MMS22L: variants seen among roughly 807,000 people sequenced by gnomAD.
The protein encoded by MMS22L is protein MMS22-like.
In MMS22L, 74 loss-of-function variants were observed where a neutral mutation model predicts 159.1. The ratio of observed to expected loss-of-function variants is 0.47; its 90% CI spans 0.39 to 0.56. The LOEUF is 0.56. Ranked by LOEUF, MMS22L falls within the 20% of genes least tolerant of loss-of-function variation. The pLI is 0.00. For missense variants in MMS22L, 1,351 were observed against 1,422.1 expected (o/e 0.95, Z 0.80); for synonymous variants, 517 against 506.9 (o/e 1.02, Z -0.27).
chr6:97,182,154 T>TA, intron 15 of MMS22L, 100 bp from the exon 16 acceptor site: 2 of 937,048 alleles, frequency 2.1e-6, no homozygotes, highest in Non-Finnish European at 3.1e-6. Context: ...TTTTTTTTTT[T>TA]AAGTAACAAA....
intron 12 of MMS22L, among the ~76,000 whole-genome samples, chr6:97,232,919 C>T (rs1811018787): frequency 6.6e-6 from 1 of 152,068 alleles, no homozygotes; most frequent in South Asian, 2.1e-4. Context: ...TCCTTTAAAT[C>T]TACCTTTAAA....
chr6:97,273,134 G>T, intron 4 of MMS22L, 72 bp from the exon 5 acceptor site: 1 of 1,180,004 alleles, frequency 8.5e-7, no homozygotes, highest in East Asian at 2.3e-5. Context: ...AATGTTGTAA[G>T]CCATACCGGC....
intron 4 of MMS22L, among the ~76,000 whole-genome samples, chr6:97,275,438 A>T (rs752092596): frequency 6.6e-6 from 1 of 152,142 alleles, no homozygotes; most frequent in Non-Finnish European, 1.5e-5. Flanking sequence ...GAGGCAGGAA[A>T]ATTGCTTGAA....
chr6:97,158,117 A>C (rs749849227), intron 22 of MMS22L, among the ~76,000 whole-genome samples: 11 of 152,198 alleles, frequency 7.2e-5, no homozygotes, highest in Middle Eastern at 6.8e-3. Context: ...AGAGTTCTTT[A>C]TAGTACTCTC....
chr6:97,277,026 A>AT lies in MMS22L; in HGVS notation c.340+1822dup, dbSNP rs1816302255. ...ACTTAACATTTACAAATCACGTAACATATTAAGAAAACAAAAAATATAAAA... is the reference window on the plus strand; with the variant it reads ...ACTTAACATTTACAAATCACGTAACATTATTAAGAAAACAAAAAATATAAAA... On this transcript the variant is annotated intron_variant, in intron 4 of 24. Transcript: ENST00000683635. Among the ~76,000 whole-genome samples, 4 of 152,248 alleles carry AT rather than the reference A, an allele frequency of 2.6e-5. No individual in the cohort carries two copies. The South Asian group carries it at 8.3e-4, about 32-fold the overall frequency.
At chr6:97,186,234 T>G (rs1805211630) in intron 15 of MMS22L, among the ~76,000 whole-genome samples, 1 of 152,162 alleles carries the variant, frequency 6.6e-6, no homozygotes, top group Non-Finnish European at 1.5e-5. Context: ...CTAGTTTACC[T>G]TCCAAAATAT....
chr6:97,201,757 C>T (rs1807192328), intron 14 of MMS22L, among the ~76,000 whole-genome samples: 1 of 152,208 alleles, frequency 6.6e-6, no homozygotes, highest in Non-Finnish European at 1.5e-5. Flanking sequence ...GCAATCACCA[C>T]CAATAGCCTT....
chr6:97,251,858 C>T (rs535869844), intron 10 of MMS22L, among the ~76,000 whole-genome samples: 3 of 151,930 alleles, frequency 2.0e-5, no homozygotes, highest in South Asian at 2.1e-4. Flanking sequence ...CCGAAGCGGG[C>T]GGATCACGAG....
At chr6:97,248,858 CAAAAA>C (rs113429121) in intron 10 of MMS22L, among the ~76,000 whole-genome samples, 2 of 127,492 alleles carry the variant, frequency 1.6e-5, no homozygotes, top group African/African-American at 5.8e-5. Flanking sequence ...GACTTTGTCT[CAAAAA>C]AAAAAAAAAG....
At position 97,146,872 on chromosome 6, in the gene MMS22L, T is replaced by C; in HGVS notation, c.3666A>G (p.Lys1222=). Reference sequence around the variant, plus strand: ...CCATCTGTCCAAGGTGAGACAAAAGTTTGCTATAGGCTTCCCTGTTTAAGA... The same window carrying C: ...CCATCTGTCCAAGGTGAGACAAAAGCTTGCTATAGGCTTCCCTGTTTAAGA... ...RNIAQREAYS[K]LLSHLGQMGQ... Residue 1222 remains lysine (K), a synonymous_variant, in exon 25 of 25, where the codon AAA becomes AAG. Transcript: ENST00000683635. 1 of 1,556,060 alleles carries C rather than the reference T, an allele frequency of 6.4e-7. No individual in the cohort carries two copies. The highest frequency in any genetic ancestry group is 2.4e-5 in the East Asian group (1 of 41,426).
At chr6:97,202,605 G>C (rs1171727823) in intron 14 of MMS22L, among the ~76,000 whole-genome samples, 1 of 152,182 alleles carries the variant, frequency 6.6e-6, no homozygotes, top group African/African-American at 2.4e-5. Flanking sequence ...ATCATCTACA[G>C]TTTGGTGATG....
intron 14 of MMS22L, among the ~76,000 whole-genome samples, chr6:97,204,678 C>A (rs1562456248): frequency 6.6e-6 from 1 of 151,416 alleles, no homozygotes; most frequent in Non-Finnish European, 1.5e-5. Context: ...ACCTGTAGTC[C>A]CAGCTACTCG....
intron 10 of MMS22L, chr6:97,254,344 C>A (rs749252205): frequency 8.2e-6 from 4 of 487,282 alleles, no homozygotes; most frequent in Non-Finnish European, 1.4e-5. Context: ...GGACTACATA[C>A]CAAATCTTCT....
intron 18 of MMS22L, 111 bp downstream of exon 18, chr6:97,178,332 T>G (rs955240446): frequency 6.6e-5 from 54 of 813,958 alleles, no homozygotes; most frequent in Non-Finnish European, 8.9e-5. Context: ...ATCAATAATA[T>G]GATTCAATTT....
intron 16 of MMS22L, among the ~76,000 whole-genome samples, chr6:97,179,846 A>C (rs1804524655): frequency 6.6e-6 from 1 of 152,216 alleles, no homozygotes. Flanking sequence ...AAGACAAGAA[A>C]GAATGTGGCT....
At chr6:97,163,653 G>A (rs1802671736) in intron 21 of MMS22L, among the ~76,000 whole-genome samples, 1 of 151,888 alleles carries the variant, frequency 6.6e-6, no homozygotes, top group Non-Finnish European at 1.5e-5. Flanking sequence ...CAATCCTGTT[G>A]GAAATTCAGA....
intron 22 of MMS22L, among the ~76,000 whole-genome samples, chr6:97,154,289 T>G (rs1801616551): frequency 6.6e-6 from 1 of 152,210 alleles, no homozygotes; most frequent in Non-Finnish European, 1.5e-5. Flanking sequence ...TCAGATTCAT[T>G]GCCAATTTTT....
chr6:97,186,437 G>A, intron 15 of MMS22L, 60 bp downstream of exon 15: 8 of 1,445,422 alleles, frequency 5.5e-6, no homozygotes, highest in Non-Finnish European at 6.6e-6. Context: ...GAAAATAAAG[G>A]AAAATACTGA....
intron 14 of MMS22L, among the ~76,000 whole-genome samples, chr6:97,205,247 A>AT (rs571556412): frequency 1.1e-3 from 154 of 146,090 alleles, no homozygotes; most frequent in African/African-American, 3.3e-3. Flanking sequence ...TCGGCCACGT[A>AT]TTTTTTTTTT....
Sources: allele counts gnomAD v4.1 joint callset (sites outside exome capture counted in the v4.1 genomes callset), GRCh38; gene constraint gnomAD v4.1.1; transcripts MANE v1.5; gene names NCBI Gene and HGNC (gene_info 2026-07-23, HGNC 2026-07-21).